ESR2: variants seen among roughly 807,000 people sequenced by gnomAD.
The protein encoded by ESR2 is estrogen receptor 2.
ESR2 carries 36 observed loss-of-function variants against 49.6 expected under a neutral mutation model. The observed-to-expected ratio is 0.73, with a 90% confidence interval of 0.56 to 0.96. ESR2 has a LOEUF of 0.96. Ranked by LOEUF, ESR2 falls within the 40% of genes least tolerant of loss-of-function variation. The probability of loss-of-function intolerance (pLI) is 0.00; values close to 1 mark genes in which losing one functional copy is unlikely to be tolerated. For missense variants in ESR2, 714 were observed against 693.0 expected (o/e 1.03, Z -0.34); for synonymous variants, 320 against 266.1 (o/e 1.20, Z -1.97).
rs182694499 is a variant in ESR2 at position 64,325,582 on chromosome 14, A to G, written c.-91+12316T>C. ...TTATTAAGAAAATTAGTTAAGGCAA[A>G]TAATTAAGATTGGAATTACAGTTGA... On this transcript the variant is annotated intron_variant, in intron 1 of 8. Coordinates refer to the ESR2 transcript ENST00000358599. Among the ~76,000 whole-genome samples, 397 of 152,264 alleles carry G rather than the reference A, an allele frequency of 2.6e-3. 2 individuals are homozygous for G. Among genetic ancestry groups the G allele is most frequent in the African/African-American group, 9.0e-3 (374 of 41,568 alleles).
At chr14:64,285,367 T>G (rs2076767080) in intron 1 of ESR2, among the ~76,000 whole-genome samples, 1 of 152,184 alleles carries the variant, frequency 6.6e-6, no homozygotes. Flanking sequence ...TGCTGTTTTC[T>G]TACAGAAAAC....
At position 64,282,682 on chromosome 14, in the gene ESR2, G is replaced by T. The variant is rs1376246872; in HGVS notation, c.304C>A (p.Pro102Thr). The change falls in exon 2 of 9, where the codon CCT becomes ACT. Residue 102 changes from proline (P) to threonine (T), a missense_variant. By Grantham distance (38) the Pro-to-Thr change is conservative. Transcript: ENST00000341099. ...GCTTCACACCAGGGACTCTTTTGAG[G>T]TTCCGCATACAGATGTGATAACTGG... ...HRQLSHLYAE[P>T]QKSPWCEARS... 1.9e-6 allele frequency: 3 copies of T among 1,613,386 alleles called. No homozygotes were observed. In the African/African-American group the frequency reaches 4.0e-5, roughly 22 times the overall value.
intron 6 of ESR2, among the ~76,000 whole-genome samples, chr14:64,250,875 G>C (rs975839803): frequency 9.9e-5 from 15 of 152,126 alleles, no homozygotes; most frequent in African/African-American, 3.6e-4. Flanking sequence ...CTCCCACCCA[G>C]ACTCGCTCAC....
intron 1 of ESR2, among the ~76,000 whole-genome samples, 155 bp downstream of exon 1, chr14:64,293,878 G>T (rs554751076): frequency 1.4e-4 from 21 of 152,224 alleles, no homozygotes; most frequent in Non-Finnish European, 3.1e-4. Context: ...TTTAATCAAA[G>T]CATGCATTTT....
intron 1 of ESR2, among the ~76,000 whole-genome samples, chr14:64,335,447 T>C (rs1567810071): frequency 6.6e-6 from 1 of 152,258 alleles, no homozygotes; most frequent in Non-Finnish European, 1.5e-5. Flanking sequence ...GTTCAGTTCC[T>C]GGTGAGGACT....
chr14:64,297,027 CT>C (rs2076965580), upstream of ESR2, among the ~76,000 whole-genome samples: 1 of 152,272 alleles, frequency 6.6e-6, no homozygotes, highest in East Asian at 1.9e-4. Flanking sequence ...AAAAAGCCCC[CT>C]GAAGCCTGGT....
upstream of ESR2, among the ~76,000 whole-genome samples, chr14:64,296,421 A>G (rs1421948073): frequency 6.6e-6 from 1 of 152,232 alleles, no homozygotes; most frequent in Non-Finnish European, 1.5e-5. Flanking sequence ...CTTTCTCTCA[A>G]TAATTCTTAT....
intron 1 of ESR2, chr14:64,336,701 C>A (rs548625285): frequency 6.6e-6 from 1 of 152,150 alleles, no homozygotes; most frequent in South Asian, 2.1e-4. Flanking sequence ...AATTTAAATG[C>A]CATATCTCCA....
intron 1 of ESR2, among the ~76,000 whole-genome samples, chr14:64,283,279 CTTGT>C (rs1252098330): frequency 6.6e-6 from 1 of 152,076 alleles, no homozygotes; most frequent in East Asian, 1.9e-4. Flanking sequence ...CTCTTCATTG[CTTGT>C]TTGTTTAATC....
intron 1 of ESR2, among the ~76,000 whole-genome samples, chr14:64,284,206 G>A (rs1360074200): frequency 6.6e-6 from 1 of 151,986 alleles, no homozygotes; most frequent in African/African-American, 2.4e-5. Flanking sequence ...TGGGATTACA[G>A]GCATAAGTCA....
chr14:64,322,366 A>T (rs2077335060), intron 1 of ESR2, among the ~76,000 whole-genome samples: 1 of 151,944 alleles, frequency 6.6e-6, no homozygotes, highest in African/African-American at 2.4e-5. Context: ...GCCTGAAATT[A>T]TTTTTTTAAA....
At chr14:64,310,130 G>A (rs2077167848) in intron 1 of ESR2, among the ~76,000 whole-genome samples, 1 of 150,934 alleles carries the variant, frequency 6.6e-6, no homozygotes, top group Admixed American at 6.6e-5. Context: ...AAACTTAGCC[G>A]AGCACGCTGG....
chr14:64,330,971 T>C (rs533452178), intron 1 of ESR2: 2 of 151,244 alleles, frequency 1.3e-5, no homozygotes, highest in African/African-American at 4.8e-5. Context: ...AAACTAATTA[T>C]TACAAGAACA....
intron 3 of ESR2, among the ~76,000 whole-genome samples, chr14:64,275,969 T>C (rs528142593): frequency 2.0e-5 from 3 of 152,234 alleles, no homozygotes; most frequent in Admixed American, 1.3e-4. Flanking sequence ...GTGGAGAAAA[T>C]TAACGAGAGA....
Position 64,233,068 on chromosome 14 carries a change from C to T in ESR2, c.*69G>A, listed in dbSNP as rs1004409245. ...ACACAGCAGAAAGATGAAGCCCAGGCTCCTGACACACTGGAGTTCACGCTT... is the reference window on the plus strand; with the variant it reads ...ACACAGCAGAAAGATGAAGCCCAGGTTCCTGACACACTGGAGTTCACGCTT... On this transcript the variant is annotated 3_prime_UTR_variant, in exon 9 of 9. Coordinates refer to ENST00000341099, the MANE Select transcript of ESR2 (RefSeq NM_001437.3). 1.7e-5 allele frequency: 27 copies of T among 1,559,084 alleles called. No individual in the cohort carries two copies. Among genetic ancestry groups the T allele is most frequent in the Non-Finnish European group, 3.5e-6 (4 of 1,148,870 alleles).
intron 8 of ESR2, chr14:64,233,952 G>A (rs924005689): frequency 6.6e-6 from 1 of 152,618 alleles, no homozygotes; most frequent in African/African-American, 2.4e-5. Flanking sequence ...ATGGCACTAA[G>A]TAGACCAAGT....
chr14:64,333,575 C>G (rs1045222773), intron 1 of ESR2, among the ~76,000 whole-genome samples: 10 of 152,180 alleles, frequency 6.6e-5, no homozygotes, highest in African/African-American at 2.2e-4. Flanking sequence ...ACTCACAGTT[C>G]CACATGGCTG....
chr14:64,302,096 C>T (rs904926985), intron 1 of ESR2, among the ~76,000 whole-genome samples: 2 of 152,130 alleles, frequency 1.3e-5, no homozygotes, highest in Non-Finnish European at 2.9e-5. Flanking sequence ...GAGTAATTTG[C>T]AGCAGTGTTT....
chr14:64,266,473 C>T (rs1294162943), intron 4 of ESR2, among the ~76,000 whole-genome samples: 2 of 152,242 alleles, frequency 1.3e-5, no homozygotes, highest in Admixed American at 6.5e-5. Context: ...TGCCTTGAGC[C>T]ATGAGGGCAA....
Sources: allele counts gnomAD v4.1 joint callset (sites outside exome capture counted in the v4.1 genomes callset), GRCh38; gene constraint gnomAD v4.1.1; transcripts MANE v1.5; gene names NCBI Gene and HGNC (gene_info 2026-07-23, HGNC 2026-07-21).